DOCK7: variants seen among roughly 807,000 people sequenced by gnomAD.
DOCK7 encodes dedicator of cytokinesis 7.
In DOCK7, 138 loss-of-function variants were observed where a neutral mutation model predicts 271.0. That is an observed-to-expected ratio of 0.51 (90% CI 0.44 to 0.59). The LOEUF (loss-of-function observed/expected upper bound fraction) is 0.59, where lower values mean the gene tolerates loss of function less well. Ranked by LOEUF, DOCK7 falls within the 20% of genes least tolerant of loss-of-function variation. The pLI is 0.00. For missense variants in DOCK7, 2,066 were observed against 2,592.4 expected (o/e 0.80, Z 4.41); for synonymous variants, 823 against 876.1 (o/e 0.94, Z 1.07).
Position 62,505,723 on chromosome 1 carries a change from G to GCCTGT in DOCK7, c.4569_4570insACAGG (p.Leu1524ThrfsTer58). The GCCTGT allele has an allele frequency of 6.2e-7, 1 of 1,613,458 alleles. No homozygotes were observed. Among genetic ancestry groups the GCCTGT allele is most frequent in the Non-Finnish European group, 8.5e-7 (1 of 1,179,672 alleles). On this transcript the variant is annotated frameshift_variant, in exon 36 of 50. Transcript: ENST00000635253. LOFTEE classifies it high-confidence loss of function. Reference sequence around the variant, plus strand: ...CTCTGTGTAGCAAAACAGTGTTGTAGATAAACTGCACTTTGGTTACAGGCC... The same window carrying GCCTGT: ...CTCTGTGTAGCAAAACAGTGTTGTAGCCTGTATAAACTGCACTTTGGTTACAGGCC...
intron 15 of DOCK7, among the ~76,000 whole-genome samples, chr1:62,585,449 T>A (rs561175594): frequency 2.0e-5 from 3 of 152,202 alleles, no homozygotes; most frequent in African/African-American, 7.2e-5. Context: ...CTATTCCATA[T>A]GTTACTGACT....
intron 41 of DOCK7, among the ~76,000 whole-genome samples, chr1:62,489,735 T>C (rs1248054447): frequency 1.3e-5 from 2 of 152,248 alleles, no homozygotes; most frequent in East Asian, 1.9e-4. Context: ...TGTACTTATC[T>C]ATGCTTATAA....
intron 14 of DOCK7, chr1:62,601,026 C>T: frequency 9.9e-7 from 1 of 1,008,198 alleles, no homozygotes; most frequent in Admixed American, 1.7e-5. Flanking sequence ...ACTCAGATTT[C>T]CCCTAATTGT....
chr1:62,545,135 A>G, intron 22 of DOCK7, 96 bp from the exon 23 acceptor site: 1 of 1,207,370 alleles, frequency 8.3e-7, no homozygotes, highest in Middle Eastern at 2.0e-4. Flanking sequence ...TCTAATGCAA[A>G]CATGTTTTTA....
At chr1:62,600,782 A>G (rs1298487592) in intron 14 of DOCK7, among the ~76,000 whole-genome samples, 1 of 151,840 alleles carries the variant, frequency 6.6e-6, no homozygotes, top group Non-Finnish European at 1.5e-5. Context: ...TATAAATAAA[A>G]GAATACATTA....
At chr1:62,503,719 G>A (rs867733062) in intron 37 of DOCK7, among the ~76,000 whole-genome samples, 7 of 151,926 alleles carry the variant, frequency 4.6e-5, no homozygotes, top group African/African-American at 1.4e-4. Context: ...GGGATTACAC[G>A]TGTGAGCCAC....
At chr1:62,472,782 G>A (rs1454572352) in intron 48 of DOCK7, among the ~76,000 whole-genome samples, 1 of 152,172 alleles carries the variant, frequency 6.6e-6, no homozygotes, top group African/African-American at 2.4e-5. Flanking sequence ...CTAAATACTT[G>A]CTTTCCTTCT....
intron 22 of DOCK7, among the ~76,000 whole-genome samples, chr1:62,548,625 T>C (rs953455180): frequency 6.6e-6 from 1 of 152,116 alleles, no homozygotes; most frequent in Non-Finnish European, 1.5e-5. Flanking sequence ...TTCTCCATGT[T>C]GGTCAGGCTG....
intron 38 of DOCK7, 135 bp downstream of exon 38, chr1:62,496,204 T>A: frequency 1.1e-6 from 1 of 907,828 alleles, no homozygotes; most frequent in Middle Eastern, 3.3e-4. Context: ...CAGTCCTATC[T>A]ATGGCACATG....
intron 14 of DOCK7, among the ~76,000 whole-genome samples, chr1:62,588,775 C>G (rs1647975699): frequency 6.6e-6 from 1 of 152,086 alleles, no homozygotes; most frequent in Admixed American, 6.5e-5. Flanking sequence ...AGGTCTCACT[C>G]TGTCGCTCAG....
At chr1:62,536,103 G>T (rs1023458556) in intron 28 of DOCK7, among the ~76,000 whole-genome samples, 2 of 4,788 alleles carry the variant, frequency 4.2e-4, no homozygotes, top group African/African-American at 4.9e-4. Context: ...CCATCATTTT[G>T]TTGTCTGAGT....
In DOCK7 at chr1:62,578,903, G is replaced by T. The variant is rs1647024003; in HGVS notation, c.1935C>A (p.His645Gln). The T allele has an allele frequency of 6.2e-7, 1 of 1,607,132 alleles. No individual in the cohort carries two copies. Residue 645 changes from histidine (H) to glutamine (Q), a missense_variant, in exon 17 of 50, where the codon CAC (histidine) becomes CAA (glutamine). By Grantham distance (24) the His-to-Gln change is conservative (BLOSUM62 0). This residue lies in a region of DOCK7 where 1,414 missense variants were observed against 1,670.4 expected (regional missense o/e 0.85). Coordinates refer to ENST00000635253, the MANE Select transcript of DOCK7 (RefSeq NM_001367561.1). Reference sequence around the variant, plus strand: ...TAACATGATAAAAAGTAAAAAGCAAGTGATGATGGTCAGTTAAAGTAGCAG... The same window carrying T: ...TAACATGATAAAAAGTAAAAAGCAATTGATGATGGTCAGTTAAAGTAGCAG... ...KLPATLTDHH[H>Q]LLFTFYHVSC... is the part of the protein sequence containing the mutation.
At chr1:62,485,177 C>T in intron 43 of DOCK7, 2 of 985,276 alleles carry the variant, frequency 2.0e-6, no homozygotes, top group Non-Finnish European at 2.4e-6. Flanking sequence ...GCTTTTACTT[C>T]CTACTATTTC....
chr1:62,526,296 C>T (rs1000111095), intron 31 of DOCK7, among the ~76,000 whole-genome samples: 6 of 152,004 alleles, frequency 3.9e-5, no homozygotes, highest in Admixed American at 2.0e-4. Flanking sequence ...AAACAATGTG[C>T]CAATAAGCAC....
chr1:62,643,457 G>A (rs2149666030), intron 7 of DOCK7, among the ~76,000 whole-genome samples: 1 of 152,266 alleles, frequency 6.6e-6, no homozygotes, highest in East Asian at 1.9e-4. Context: ...AATGTCTTCT[G>A]GCTTCCATTG....
chr1:62,555,750 C>T (rs1050422338), intron 21 of DOCK7, 75 bp downstream of exon 21: 14 of 1,492,502 alleles, frequency 9.4e-6, no homozygotes, highest in Non-Finnish European at 1.3e-5. Context: ...ACAGTATGGA[C>T]TACAAAATTA....
chr1:62,575,379 G>A (rs1018220587), intron 18 of DOCK7, among the ~76,000 whole-genome samples: 1 of 152,066 alleles, frequency 6.6e-6, no homozygotes, highest in African/African-American at 2.4e-5. Context: ...AAGACAATGA[G>A]GATGAAGGCC....
intron 2 of DOCK7, among the ~76,000 whole-genome samples, chr1:62,659,681 T>G (rs1398887256): frequency 6.6e-6 from 1 of 151,960 alleles, no homozygotes; most frequent in Non-Finnish European, 1.5e-5. Flanking sequence ...TAACACAACA[T>G]AGGTAGGTTG....
intron 1 of DOCK7, among the ~76,000 whole-genome samples, chr1:62,686,098 A>G (rs1423401715): frequency 6.6e-6 from 1 of 152,130 alleles, no homozygotes; most frequent in Non-Finnish European, 1.5e-5. Context: ...ATGTTTTCAG[A>G]GATAAACTTC....
Sources: allele counts gnomAD v4.1 joint callset (sites outside exome capture counted in the v4.1 genomes callset), GRCh38; gene constraint gnomAD v4.1.1; regional missense constraint gnomAD v4.1.1; transcripts MANE v1.5; gene names NCBI Gene and HGNC (gene_info 2026-07-23, HGNC 2026-07-21).